Variants in ITSN2 observed in about 807,000 individuals in gnomAD.
ITSN2 encodes intersectin-2.
In ITSN2, 156 loss-of-function variants were observed where a neutral mutation model predicts 243.7. The ratio of observed to expected loss-of-function variants is 0.64; its 90% CI spans 0.56 to 0.73. The LOEUF is 0.73. ITSN2 is among the 30% of genes least tolerant of loss of function. ITSN2 has a pLI of 0.00. For synonymous variants in ITSN2, 703 were observed against 699.9 expected, an observed-to-expected ratio of 1.00 and a Z score of -0.07; for missense variants, 1,801 against 1,996.1, an observed-to-expected ratio of 0.90 and a Z score of 1.86.
intron 22 of ITSN2, among the ~76,000 whole-genome samples, chr2:24,259,781 C>G (rs1675564686): frequency 6.6e-6 from 1 of 152,156 alleles, no homozygotes; most frequent in Non-Finnish European, 1.5e-5. Context: ...CAATTCTCAC[C>G]AATTGAGTAA....
At chr2:24,233,395 C>T (rs1671816679) in intron 29 of ITSN2, among the ~76,000 whole-genome samples, 3 of 152,066 alleles carry the variant, frequency 2.0e-5, no homozygotes, top group Non-Finnish European at 2.9e-5. Flanking sequence ...GCAGGTTCTT[C>T]GGTACCTTGG....
intron 15 of ITSN2, among the ~76,000 whole-genome samples, chr2:24,286,883 ATTATCTTTTT>A (rs1679569365): frequency 6.6e-6 from 1 of 152,158 alleles, no homozygotes; most frequent in African/African-American, 2.4e-5. Context: ...TTCATTTTAT[ATTATCTTTTT>A]TTACATATTC....
chr2:24,209,825 T>C lies in ITSN2; in HGVS notation c.4466A>G (p.Tyr1489Cys), dbSNP rs765830146. 15 of 1,613,584 alleles carry C rather than the reference T, an allele frequency of 9.3e-6. No individual in the cohort carries two copies. Among genetic ancestry groups the C allele is most frequent in the African/African-American group, 2.7e-5 (2 of 74,926 alleles). Residue 1489 changes from tyrosine (Y) to cysteine (C), a missense_variant, in exon 35 of 40, where the codon TAT becomes TGT. Coordinates refer to ENST00000355123, the MANE Select transcript of ITSN2 (RefSeq NM_006277.3). ...CAGACGCGTGATACTCACCGTTTTA[T>C]ACATTTTGAATTGAGCATTGGACTT... ...SSKSNAQFKMYKTPIFLNEVL... is the reference protein window; with the variant it reads ...SSKSNAQFKMCKTPIFLNEVL...
intron 9 of ITSN2, 82 bp downstream of exon 9, chr2:24,303,717 T>C (rs1574233565): frequency 1.1e-6 from 1 of 920,858 alleles, no homozygotes; most frequent in Non-Finnish European, 1.8e-6. Flanking sequence ...AGAAACAGTA[T>C]CTTTCTTGTA....
At chr2:24,315,698 T>C (rs1391575569) in intron 2 of ITSN2, among the ~76,000 whole-genome samples, 2 of 152,146 alleles carry the variant, frequency 1.3e-5, no homozygotes, top group Non-Finnish European at 2.9e-5. Flanking sequence ...TCTCCCTTGT[T>C]GTTTTTGTGA....
At chr2:24,337,325 T>TATATACATATATATATATATATATAC (rs1386839125) in intron 1 of ITSN2, among the ~76,000 whole-genome samples, 2 of 94,472 alleles carry the variant, frequency 2.1e-5, no homozygotes, top group Non-Finnish European at 4.3e-5. Flanking sequence ...AATATATATA[T>TATATACATATATATATATATATATAC]ATATATATAT....
intron 29 of ITSN2, among the ~76,000 whole-genome samples, chr2:24,243,694 C>T (rs1673004952): frequency 2.0e-5 from 3 of 152,046 alleles, no homozygotes; most frequent in Admixed American, 6.5e-5. Context: ...CTTCCTGCCT[C>T]GGCCTCCCAA....
At chr2:24,301,715 G>A (rs998750569) in intron 10 of ITSN2, among the ~76,000 whole-genome samples, 4 of 151,572 alleles carry the variant, frequency 2.6e-5, no homozygotes, top group Non-Finnish European at 5.9e-5. Context: ...TTGTAGATAC[G>A]GGGTCTCACT....
chr2:24,338,902 G>A (rs1021603585), intron 1 of ITSN2, among the ~76,000 whole-genome samples: 1 of 152,204 alleles, frequency 6.6e-6, no homozygotes, highest in African/African-American at 2.4e-5. Flanking sequence ...CACTACTTGA[G>A]AGGTAAATCA....
At chr2:24,301,376 G>A (rs912797727) in intron 10 of ITSN2, 137 bp from the exon 11 acceptor site, 45 of 493,100 alleles carry the variant, frequency 9.1e-5, no homozygotes, top group Middle Eastern at 5.2e-4. Flanking sequence ...TTGGTATGTC[G>A]TTACAAAATA....
At chr2:24,264,524 C>T (rs973698195) in intron 20 of ITSN2, among the ~76,000 whole-genome samples, 3 of 152,148 alleles carry the variant, frequency 2.0e-5, no homozygotes, top group Admixed American at 1.3e-4. Flanking sequence ...TATAGGTTCA[C>T]ATTTGACATC....
chr2:24,299,885 A>G, intron 12 of ITSN2, 24 bp downstream of exon 12: 1 of 1,546,400 alleles, frequency 6.5e-7, no homozygotes, highest in East Asian at 2.3e-5. Context: ...GATTTTCTTA[A>G]GAAGTAAAAA....
At chr2:24,244,448 T>C (rs1323437712) in intron 29 of ITSN2, among the ~76,000 whole-genome samples, 1 of 152,136 alleles carries the variant, frequency 6.6e-6, no homozygotes, top group East Asian at 1.9e-4. Flanking sequence ...GAGGCTTAAT[T>C]GGAAAAAGTG....
Position 24,289,999 on chromosome 2 carries a change from A to AT in ITSN2, c.1724-3649dup, listed in dbSNP as rs901970232. Among the ~76,000 whole-genome samples, 15 of 151,906 alleles carry AT rather than the reference A, an allele frequency of 9.9e-5. No homozygotes were observed. The South Asian group carries it at 1.2e-3, about 13-fold the overall frequency. ...GTTGAAGAAAATTCCTTCTATATCTATTTTTTTTGAGAGTTTTTATCATGA... is the reference window on the plus strand; with the variant it reads ...GTTGAAGAAAATTCCTTCTATATCTATTTTTTTTTGAGAGTTTTTATCATGA... On this transcript the variant is annotated intron_variant, in intron 15 of 39. Coordinates refer to ENST00000355123, the MANE Select transcript of ITSN2 (RefSeq NM_006277.3).
At chr2:24,324,139 G>A (rs887246902) in intron 2 of ITSN2, among the ~76,000 whole-genome samples, 7 of 152,202 alleles carry the variant, frequency 4.6e-5, no homozygotes, top group Non-Finnish European at 1.0e-4. Context: ...GGCTGAGGCA[G>A]GAGAACGGCG....
intron 1 of ITSN2, among the ~76,000 whole-genome samples, chr2:24,349,472 A>G: frequency 6.6e-6 from 1 of 152,198 alleles, no homozygotes; most frequent in East Asian, 1.9e-4. Flanking sequence ...ATGGCACATA[A>G]TTCTGAAGGT....
intron 29 of ITSN2, among the ~76,000 whole-genome samples, chr2:24,221,948 G>GA (rs1365710721): frequency 6.6e-6 from 1 of 151,960 alleles, no homozygotes; most frequent in Non-Finnish European, 1.5e-5. Context: ...ACCCTTCTTA[G>GA]AAAAAAAAGC....
chr2:24,299,020 C>T (rs1444358542), intron 12 of ITSN2, among the ~76,000 whole-genome samples: 3 of 148,554 alleles, frequency 2.0e-5, no homozygotes, highest in East Asian at 3.9e-4. Flanking sequence ...CATTTCTTCA[C>T]GAGATCTTTT....
chr2:24,328,431 T>C (rs1399852657), intron 1 of ITSN2, among the ~76,000 whole-genome samples: 1 of 151,962 alleles, frequency 6.6e-6, no homozygotes, highest in Non-Finnish European at 1.5e-5. Flanking sequence ...ATCAACTGTA[T>C]AAATTAAGTA....
Sources: gnomAD v4.1 joint callset for allele counts (sites outside exome capture counted in the v4.1 genomes callset) on GRCh38, gnomAD v4.1.1 for gene constraint, MANE v1.5 for transcripts, NCBI Gene and HGNC (gene_info 2026-07-23, HGNC 2026-07-21) for gene names.